CSMD1: variants seen among roughly 807,000 people sequenced by gnomAD.
CSMD1 encodes the protein CUB and sushi domain-containing protein 1.
In CSMD1, 213 loss-of-function variants were observed where a neutral mutation model predicts 417.5. The observed-to-expected ratio is 0.51, with a 90% CI of 0.46 to 0.57. The LOEUF (loss-of-function observed/expected upper bound fraction) is 0.57. CSMD1 is among the 20% of genes least tolerant of loss of function. The pLI is 0.00. For missense variants in CSMD1, 6,923 were observed against 4,529.7 expected (o/e 1.53, Z -15.17); for synonymous variants, 2,862 against 1,736.8 (o/e 1.65, Z -16.11).
intron 1 of CSMD1, among the ~76,000 whole-genome samples, chr8:4,758,086 G>C (rs1020782972): frequency 1.3e-5 from 2 of 151,890 alleles, no homozygotes; most frequent in African/African-American, 2.4e-5. Context: ...TCTCAGGTGA[G>C]AAATTTCCAC....
At chr8:4,427,919 T>C (rs7842006) in intron 2 of CSMD1, among the ~76,000 whole-genome samples, 52 of 152,298 alleles carry the variant, frequency 3.4e-4, no homozygotes, top group African/African-American at 1.2e-3. Flanking sequence ...CTGCCCTTTA[T>C]TTAAGGCACT....
chr8:3,661,971 G>C (rs1389970825), intron 7 of CSMD1, among the ~76,000 whole-genome samples: 1 of 152,208 alleles, frequency 6.6e-6, no homozygotes, highest in African/African-American at 2.4e-5. Flanking sequence ...GGGACACCCA[G>C]AGGCTGCGGG....
In CSMD1 at chr8:3,426,695, C is replaced by T. The variant is rs528906786; in HGVS notation, c.1562-17090G>A. Among the ~76,000 whole-genome samples, 9 of 152,272 alleles carry T rather than the reference C, an allele frequency of 5.9e-5. No individual in the cohort carries two copies. In the South Asian group the frequency reaches 1.0e-3, roughly 18 times the overall value. ...TACTTTATTTTTCTTACATTACAAACCACTAAGTCAAATTATTGTGCTAAA... is the reference window on the plus strand; with the variant it reads ...TACTTTATTTTTCTTACATTACAAATCACTAAGTCAAATTATTGTGCTAAA... On this transcript the variant is annotated intron_variant, in intron 12 of 69. Coordinates refer to ENST00000635120, the MANE Select transcript of CSMD1 (RefSeq NM_033225.6).
intron 25 of CSMD1, among the ~76,000 whole-genome samples, chr8:3,290,457 G>A (rs1214019417): frequency 1.4e-5 from 2 of 138,864 alleles, no homozygotes; most frequent in Non-Finnish European, 3.0e-5. Flanking sequence ...TCCTACCTAT[G>A]AGCATGGAAT....
At chr8:4,568,614 A>G (rs1018920035) in intron 2 of CSMD1, among the ~76,000 whole-genome samples, 1 of 152,204 alleles carries the variant, frequency 6.6e-6, no homozygotes, top group Admixed American at 6.5e-5. Flanking sequence ...AGAAAGATGT[A>G]TAATCCTATG....
chr8:4,147,761 G>C lies in CSMD1; in HGVS notation c.416-115662C>G, dbSNP rs150861905. Among the ~76,000 whole-genome samples the C allele has an allele frequency of 3.0e-3, 458 of 152,150 alleles. 1 individual carries two copies. Among genetic ancestry groups the C allele is most frequent in the African/African-American group, 0.011 (437 of 41,518 alleles). ...GGTTAACAACCCCCGGCAAGCCATGGACTTGCCATGTGAGATCAGAGCCTG... is the reference window on the plus strand; with the variant it reads ...GGTTAACAACCCCCGGCAAGCCATGCACTTGCCATGTGAGATCAGAGCCTG... On this transcript the variant is annotated intron_variant, in intron 3 of 69. Coordinates refer to ENST00000635120, the MANE Select transcript of CSMD1 (RefSeq NM_033225.6).
intron 3 of CSMD1, among the ~76,000 whole-genome samples, chr8:4,060,610 C>G (rs569365174): frequency 5.3e-5 from 8 of 152,238 alleles, no homozygotes; most frequent in African/African-American, 1.9e-4. Context: ...ACTGTCCCAG[C>G]CACCTTAGCG....
At chr8:4,406,737 G>A (rs58030887) in intron 3 of CSMD1, among the ~76,000 whole-genome samples, 14,633 of 152,158 alleles carry the variant, frequency 0.096, 923 homozygotes, top group African/African-American at 0.17. Flanking sequence ...ACCAGAGAAT[G>A]TATTGTTTGC....
intron 3 of CSMD1, among the ~76,000 whole-genome samples, chr8:4,371,881 G>T (rs1802417617): frequency 6.6e-6 from 1 of 152,218 alleles, no homozygotes; most frequent in Non-Finnish European, 1.5e-5. Flanking sequence ...TGTGGACTGT[G>T]GAGGCCATGC....
intron 12 of CSMD1, among the ~76,000 whole-genome samples, chr8:3,460,952 G>C (rs985938601): frequency 2.0e-5 from 3 of 152,160 alleles, no homozygotes; most frequent in Non-Finnish European, 4.4e-5. Context: ...TTCAAGGGAT[G>C]TGGAGGGCAG....
chr8:3,101,799 C>CTTTTTTTTTTT (rs530061255), intron 46 of CSMD1, among the ~76,000 whole-genome samples: 2 of 106,358 alleles, frequency 1.9e-5, no homozygotes, highest in Non-Finnish European at 3.8e-5. Context: ...CTTTCTTTTT[C>CTTTTTTTTTTT]TTTTTTTTTT....
At chr8:4,686,084 C>A (rs547265294) in intron 1 of CSMD1, among the ~76,000 whole-genome samples, 10 of 152,252 alleles carry the variant, frequency 6.6e-5, no homozygotes, top group African/African-American at 1.4e-4. Context: ...CTGGTTGTGT[C>A]ATTCACTTTT....
intron 10 of CSMD1, among the ~76,000 whole-genome samples, chr8:3,522,076 G>T (rs900559887): frequency 1.7e-4 from 26 of 152,230 alleles, no homozygotes; most frequent in Admixed American, 9.8e-4. Context: ...AGATATTTGG[G>T]ATGTTTATCT....
chr8:3,238,974 T>C (rs1799324305), intron 26 of CSMD1, among the ~76,000 whole-genome samples: 1 of 151,894 alleles, frequency 6.6e-6, no homozygotes, highest in Admixed American at 6.6e-5. Context: ...GGATGACAAG[T>C]TTTTTGGGGC....
chr8:3,483,600 G>A (rs1035387224), intron 11 of CSMD1, among the ~76,000 whole-genome samples: 6 of 151,882 alleles, frequency 4.0e-5, no homozygotes, highest in Non-Finnish European at 8.8e-5. Flanking sequence ...AATAACAAAA[G>A]AGAAAATATT....
chr8:3,872,562 T>A (rs1805546244), intron 5 of CSMD1, among the ~76,000 whole-genome samples: 1 of 152,232 alleles, frequency 6.6e-6, no homozygotes, highest in Admixed American at 6.5e-5. Flanking sequence ...TGAGGTTGTC[T>A]GTTTCAGAAT....
At chr8:3,958,759 C>T (rs192679015) in intron 5 of CSMD1, among the ~76,000 whole-genome samples, 2 of 152,274 alleles carry the variant, frequency 1.3e-5, no homozygotes, top group East Asian at 3.9e-4. Context: ...ACACAAAGCA[C>T]CCTTCTGTCC....
chr8:3,066,674 A>G lies in CSMD1; in HGVS notation c.7475-14027T>C, dbSNP rs73494463. ...ACACAGGACACAATCGTATTTGTCA[A>G]ATGGCTCTGTAGATTCCAAACAGAC... is the stretch of plus-strand genomic sequence containing the variant. On this transcript the variant is annotated intron_variant, in intron 49 of 69. Transcript: ENST00000635120. 8.6e-3 allele frequency among the ~76,000 whole-genome samples: 1,317 copies of G among 152,342 alleles called. 17 individuals carry two copies. Among genetic ancestry groups the G allele is most frequent in the African/African-American group, 0.03 (1,241 of 41,578 alleles).
intron 3 of CSMD1, among the ~76,000 whole-genome samples, chr8:4,071,928 G>C (rs1365392475): frequency 6.6e-6 from 1 of 152,086 alleles, no homozygotes; most frequent in Non-Finnish European, 1.5e-5. Context: ...TCAAAGTCTG[G>C]GCAGAACCTG....
Sources: allele counts gnomAD v4.1 joint callset (sites outside exome capture counted in the v4.1 genomes callset), GRCh38; gene constraint gnomAD v4.1.1; transcripts MANE v1.5; gene names NCBI Gene and HGNC (gene_info 2026-07-23, HGNC 2026-07-21).